The following FMN2 variants were observed in gnomAD, a reference collection of about 807,000 sequenced individuals.
FMN2 encodes formin 2, also known as formin-2.
In FMN2, 51 loss-of-function variants were observed where a neutral mutation model predicts 142.3. That is an observed-to-expected ratio of 0.36 (90% CI 0.29 to 0.45). The LOEUF (loss-of-function observed/expected upper bound fraction) is 0.45, where lower values mean the gene tolerates loss of function less well. Ranked by LOEUF, FMN2 falls within the 20% of genes least tolerant of loss-of-function variation. The pLI is 1.00. For missense variants in FMN2, 1,936 were observed against 2,122.8 expected (o/e 0.91, Z 1.73); for synonymous variants, 882 against 869.8 (o/e 1.01, Z -0.25).
At chr1:240,168,715 G>T (rs1406796754) in intron 2 of FMN2, among the ~76,000 whole-genome samples, 1 of 152,078 alleles carries the variant, frequency 6.6e-6, no homozygotes, top group Non-Finnish European at 1.5e-5. Flanking sequence ...AAATAAAAAG[G>T]TGCTATTTTA....
intron 4 of FMN2, among the ~76,000 whole-genome samples, chr1:240,193,753 G>T (rs731186): frequency 1.3e-5 from 2 of 152,084 alleles, no homozygotes; most frequent in Non-Finnish European, 1.5e-5. Context: ...GATTACTGCA[G>T]TATTCTCCCG....
chr1:240,313,696 G>A (rs1051571518), intron 8 of FMN2, among the ~76,000 whole-genome samples: 10 of 152,122 alleles, frequency 6.6e-5, no homozygotes, highest in Admixed American at 2.0e-4. Context: ...GCCCGGGCAC[G>A]GTGGCTCATA....
chr1:240,324,820 T>G (rs1291691528), intron 8 of FMN2, among the ~76,000 whole-genome samples: 3 of 152,106 alleles, frequency 2.0e-5, no homozygotes, highest in Non-Finnish European at 4.4e-5. Context: ...AACAAAACTG[T>G]AGCTGTACTA....
At chr1:240,204,358 G>A (rs576741132) in intron 4 of FMN2, among the ~76,000 whole-genome samples, 3 of 152,160 alleles carry the variant, frequency 2.0e-5, no homozygotes, top group South Asian at 4.1e-4. Context: ...CTAGCTACTT[G>A]GGTTGCTGAG....
chr1:240,180,838 A>G (rs1665120586), intron 3 of FMN2, among the ~76,000 whole-genome samples: 1 of 152,030 alleles, frequency 6.6e-6, no homozygotes, highest in African/African-American at 2.4e-5. Flanking sequence ...AAGTGCTGGG[A>G]TTACAGGCAT....
chr1:240,187,271 A>C (rs1341314599), intron 3 of FMN2, among the ~76,000 whole-genome samples: 2 of 32,884 alleles, frequency 6.1e-5, no homozygotes, highest in Non-Finnish European at 1.3e-4. Context: ...CTCCATCTCA[A>C]AAAAAAAAAA....
intron 7 of FMN2, among the ~76,000 whole-genome samples, chr1:240,265,571 ACTTC>A (rs1435102338): frequency 6.6e-6 from 1 of 151,900 alleles, no homozygotes. Context: ...TTGATCTTAG[ACTTC>A]CCAGCTTTCA....
intron 15 of FMN2, among the ~76,000 whole-genome samples, chr1:240,434,998 C>G (rs1053459659): frequency 1.3e-5 from 2 of 152,004 alleles, no homozygotes; most frequent in African/African-American, 4.8e-5. Flanking sequence ...TGGCCACATC[C>G]AAAGAAATAG....
intron 2 of FMN2, among the ~76,000 whole-genome samples, chr1:240,161,399 G>A (rs1020032669): frequency 6.6e-6 from 1 of 152,046 alleles, no homozygotes; most frequent in African/African-American, 2.4e-5. Flanking sequence ...CAGGCGTGGT[G>A]GTGGGTGCCT....
At chr1:240,319,907 C>T (rs572507676) in intron 8 of FMN2, among the ~76,000 whole-genome samples, 10 of 152,282 alleles carry the variant, frequency 6.6e-5, no homozygotes, top group African/African-American at 2.4e-4. Context: ...ATCTTCCTGC[C>T]TATAGCGTTA....
intron 1 of FMN2, among the ~76,000 whole-genome samples, chr1:240,110,388 T>C (rs1571935001): frequency 2.0e-5 from 3 of 152,374 alleles, no homozygotes; most frequent in African/African-American, 7.2e-5. Context: ...GCCTTTTACA[T>C]TGTATAGCCC....
intron 7 of FMN2, among the ~76,000 whole-genome samples, chr1:240,260,429 T>A (rs1379397857): frequency 6.6e-6 from 1 of 152,210 alleles, no homozygotes; most frequent in African/African-American, 2.4e-5. Context: ...TTTTTTATTT[T>A]TTTTTAATGT....
At chr1:240,168,133 C>T (rs1664554901) in intron 2 of FMN2, among the ~76,000 whole-genome samples, 2 of 152,226 alleles carry the variant, frequency 1.3e-5, no homozygotes, top group South Asian at 2.1e-4. Flanking sequence ...TCTTATCTTC[C>T]CCTCTCAAAA....
Position 240,330,633 on chromosome 1 carries a change from G to T in FMN2, c.4468G>T (p.Val1490Phe), listed in dbSNP as rs766883382. 9 of 1,613,938 alleles carry T rather than the reference G, an allele frequency of 5.6e-6. No individual in the cohort carries two copies. In the South Asian group the frequency reaches 8.8e-5, roughly 16 times the overall value. Reference sequence around the variant, plus strand: ...AAAAAATGGCCCAGGGGTTATGCAGGTTCTAGGTTTGGTTCTTGCCTTTGG... The same window carrying T: ...AAAAAATGGCCCAGGGGTTATGCAGTTTCTAGGTTTGGTTCTTGCCTTTGG... The part of the protein sequence containing the change: ...TLKNGPGVMQ[V>F]LGLVLAFGNY... The change falls in exon 11 of 18, where the codon GTT becomes TTT. Residue 1490 changes from valine (V) to phenylalanine (F), a missense_variant. Val to Phe is a conservative substitution (Grantham distance 50). Transcript: ENST00000319653.
chr1:240,414,396 G>A (rs145411196), intron 15 of FMN2, among the ~76,000 whole-genome samples: 11 of 152,286 alleles, frequency 7.2e-5, no homozygotes, highest in African/African-American at 7.2e-5. Flanking sequence ...TGTGGAGTGC[G>A]GTAGCACAGA....
At chr1:240,275,315 C>T (rs1408181578) in intron 7 of FMN2, among the ~76,000 whole-genome samples, 1 of 151,910 alleles carries the variant, frequency 6.6e-6, no homozygotes, top group Non-Finnish European at 1.5e-5. Context: ...GTTCAGCTCC[C>T]ACTTATAAGT....
rs184260522 is a variant in FMN2, at chr1:240,382,528, G to T, written c.4859-9983G>T. ...ATACAAAAATTAGCCAGGTGTGGTGGTGGCTGCCTGTAATCTAAGCTACTC... is the reference window on the plus strand; with the variant it reads ...ATACAAAAATTAGCCAGGTGTGGTGTTGGCTGCCTGTAATCTAAGCTACTC... On this transcript the variant is annotated intron_variant, in intron 14 of 17. Transcript: ENST00000319653. 8.5e-4 allele frequency among the ~76,000 whole-genome samples: 130 copies of T among 152,136 alleles called. 1 individual carries two copies. The highest frequency in any genetic ancestry group is 1.6e-3 in the Non-Finnish European group (111 of 67,988).
chr1:240,262,711 G>A (rs1173040263), intron 7 of FMN2, among the ~76,000 whole-genome samples: 1 of 150,084 alleles, frequency 6.7e-6, no homozygotes, highest in Non-Finnish European at 1.5e-5. Flanking sequence ...AGAAGGGGAT[G>A]TCATTGATAA....
At chr1:240,358,894 T>G (rs1270923933) in intron 14 of FMN2, among the ~76,000 whole-genome samples, 1 of 152,180 alleles carries the variant, frequency 6.6e-6, no homozygotes, top group African/African-American at 2.4e-5. Flanking sequence ...CCCGGCACTT[T>G]GGGAGGCTGA....
Sources: gnomAD v4.1 joint callset for allele counts (sites outside exome capture counted in the v4.1 genomes callset) on GRCh38, gnomAD v4.1.1 for gene constraint, MANE v1.5 for transcripts, NCBI Gene and HGNC (gene_info 2026-07-23, HGNC 2026-07-21) for gene names.